The following PRRC2C variants were observed in gnomAD, a reference collection of about 807,000 sequenced individuals.
The protein encoded by PRRC2C is protein PRRC2C.
In PRRC2C, 72 loss-of-function variants were observed where a neutral mutation model predicts 317.2. The observed-to-expected ratio is 0.23, with a 90% CI of 0.19 to 0.28. PRRC2C has a LOEUF of 0.28. Among genes scored for constraint, PRRC2C ranks in the 10% least tolerant of loss-of-function variants. PRRC2C has a pLI of 1.00. For missense variants in PRRC2C, 3,074 were observed against 3,459.7 expected (o/e 0.89, Z 2.80); for synonymous variants, 1,296 against 1,205.9 (o/e 1.07, Z -1.55).
intron 17 of PRRC2C, among the ~76,000 whole-genome samples, chr1:171,549,028 A>T (rs1163215876): frequency 6.6e-6 from 1 of 152,086 alleles, no homozygotes. Context: ...TTTTTTGTAG[A>T]GACAGGGTTT....
chr1:171,544,321 G>A (rs1372026033), intron 16 of PRRC2C, among the ~76,000 whole-genome samples: 1 of 151,974 alleles, frequency 6.6e-6, no homozygotes, highest in Non-Finnish European at 1.5e-5. Flanking sequence ...ACAGGGATTC[G>A]CCATGTTTGC....
intron 1 of PRRC2C, chr1:171,511,079 T>G (rs1425377315): frequency 6.6e-6 from 1 of 152,218 alleles, no homozygotes; most frequent in Non-Finnish European, 1.5e-5. Context: ...TTTTGCTTGG[T>G]ATACCTATTC....
At chr1:171,500,563 C>T (rs7534198) in intron 1 of PRRC2C, among the ~76,000 whole-genome samples, 12,361 of 152,034 alleles carry the variant, frequency 0.081, 1,652 homozygotes, top group African/African-American at 0.28. Context: ...TGCCTGGCTA[C>T]TTTTTAGTTG....
chr1:171,560,297 G>T (rs1473833027), intron 19 of PRRC2C, among the ~76,000 whole-genome samples: 1 of 152,224 alleles, frequency 6.6e-6, no homozygotes, highest in Non-Finnish European at 1.5e-5. Flanking sequence ...AAAGAAAGTT[G>T]TTTTTTGTGA....
At chr1:171,573,894 G>C (rs1005401034) in intron 24 of PRRC2C, among the ~76,000 whole-genome samples, 2 of 151,676 alleles carry the variant, frequency 1.3e-5, no homozygotes, top group African/African-American at 4.8e-5. Flanking sequence ...GGCCAGACTG[G>C]TCTCGAACTT....
intron 4 of PRRC2C, 22 bp from the exon 5 acceptor site, chr1:171,515,711 TG>T (rs1672231318): frequency 2.6e-6 from 4 of 1,552,562 alleles, no homozygotes; most frequent in Non-Finnish European, 3.5e-6. Flanking sequence ...TTACCTTTAA[TG>T]TTTTTTTAAA....
intron 30 of PRRC2C, among the ~76,000 whole-genome samples, chr1:171,586,743 G>A (rs1435482534): frequency 6.6e-6 from 1 of 150,692 alleles, no homozygotes; most frequent in African/African-American, 2.4e-5. Flanking sequence ...ACCACATGCA[G>A]CTAATTTTCG....
intron 1 of PRRC2C, among the ~76,000 whole-genome samples, chr1:171,501,067 T>G (rs764056017): frequency 2.0e-5 from 3 of 151,728 alleles, no homozygotes; most frequent in African/African-American, 4.8e-5. Flanking sequence ...CCCAGCTAGT[T>G]TATTTATTTT....
At chr1:171,556,234 G>A (rs1422339044) in intron 18 of PRRC2C, among the ~76,000 whole-genome samples, 3 of 152,238 alleles carry the variant, frequency 2.0e-5, no homozygotes, top group African/African-American at 7.2e-5. Context: ...GCCGAGCCAG[G>A]CGTGGGATAT....
chr1:171,522,402 G>C, intron 7 of PRRC2C, 143 bp downstream of exon 7: 1 of 450,674 alleles, frequency 2.2e-6, no homozygotes, highest in South Asian at 5.7e-5. Flanking sequence ...TAAATAATTG[G>C]CTAACTCTTA....
intron 23 of PRRC2C, among the ~76,000 whole-genome samples, chr1:171,568,913 G>A (rs1218774435): frequency 6.6e-6 from 1 of 152,138 alleles, no homozygotes; most frequent in African/African-American, 2.4e-5. Context: ...GTTAAGTCAT[G>A]TTGTAACTTA....
At chr1:171,496,552 T>C (rs1668134100) in intron 1 of PRRC2C, among the ~76,000 whole-genome samples, 1 of 152,114 alleles carries the variant, frequency 6.6e-6, no homozygotes, top group African/African-American at 2.4e-5. Context: ...AATTACCATA[T>C]TCCTTCATTC....
In PRRC2C at chr1:171,517,087, C is replaced by T. The variant is rs182103576; in HGVS notation, c.527-504C>T. ...CATGCAGTGTTTCTTAGCAAAACCA[C>T]CTAGCTGTTTTATTTGGTTAAGTGT... On this transcript the variant is annotated intron_variant, in intron 5 of 34. Transcript: ENST00000647382. 3.1e-3 allele frequency among the ~76,000 whole-genome samples: 468 copies of T among 152,278 alleles called. 3 individuals carry two copies. The highest frequency in any genetic ancestry group is 0.025 in the South Asian group (119 of 4,830).
At chr1:171,504,772 C>T (rs1354695320) in intron 1 of PRRC2C, among the ~76,000 whole-genome samples, 1 of 152,076 alleles carries the variant, frequency 6.6e-6, no homozygotes, top group East Asian at 1.9e-4. Flanking sequence ...AGAGCCAGTC[C>T]ATTTCTTTAT....
chr1:171,560,336 CATT>C (rs1682420435), intron 19 of PRRC2C, among the ~76,000 whole-genome samples: 1 of 152,188 alleles, frequency 6.6e-6, no homozygotes, highest in African/African-American at 2.4e-5. Flanking sequence ...ATGCTGTGGA[CATT>C]GTTGAAATGA....
intron 32 of PRRC2C, among the ~76,000 whole-genome samples, 198 bp from the exon 33 acceptor site, chr1:171,588,181 A>G (rs909559976): frequency 2.0e-5 from 3 of 152,142 alleles, no homozygotes; most frequent in Admixed American, 1.3e-4. Flanking sequence ...GAACCAGCCA[A>G]TCTAACTGGT....
chr1:171,515,809 A>G lies in PRRC2C; in HGVS notation c.476A>G (p.Lys159Arg), dbSNP rs770359863. The change falls in exon 5 of 35, where the codon AAG (lysine) becomes AGG (arginine). Residue 159 changes from lysine to arginine, a missense_variant. Physicochemically the swap from Lys to Arg is conservative, Grantham distance 26. This residue lies in a region of PRRC2C where 237 missense variants were observed against 199.5 expected (regional missense o/e 1.19). Transcript: ENST00000647382. ...QAAGDQEKKE[K>R]ETNDDNYGPG... ...GCTGGGGATCAGGAAAAAAAAGAAA[A>G]GGAAACAAATGATGACAACTATGGA... is the stretch of plus-strand genomic sequence containing the variant. 3 of 1,612,700 alleles carry G rather than the reference A, an allele frequency of 1.9e-6. No homozygotes were observed. The highest frequency in any genetic ancestry group is 1.7e-6 in the Non-Finnish European group (2 of 1,179,146).
At chr1:171,572,784 C>T (rs1268767393) in intron 24 of PRRC2C, among the ~76,000 whole-genome samples, 6 of 152,110 alleles carry the variant, frequency 3.9e-5, no homozygotes, top group Admixed American at 6.6e-5. Context: ...TATTTTTAAG[C>T]CAGTATTTAT....
At position 171,512,072 on chromosome 1, in the gene PRRC2C, G is replaced by C. The variant is rs761249261; in HGVS notation, c.-17G>C. The C allele has an allele frequency of 6.0e-6, 9 of 1,507,958 alleles. No homozygotes were observed. The highest frequency in any genetic ancestry group is 1.8e-6 in the Non-Finnish European group (2 of 1,109,094). 93.4% of individuals were successfully genotyped at this position (1,507,958 alleles called of 1,614,324 possible). ...GGGTGTGGCAGGAGGTTTTGGACTC[G>C]ATGAGTTTCCACCGAAATGTCGGAG... On this transcript the variant is annotated 5_prime_UTR_variant, in exon 2 of 35. Coordinates refer to ENST00000647382, the MANE Select transcript of PRRC2C (RefSeq NM_001387844.1).
Sources: gnomAD v4.1 joint callset for allele counts (sites outside exome capture counted in the v4.1 genomes callset) on GRCh38, gnomAD v4.1.1 for gene constraint, gnomAD v4.1.1 regional missense constraint, MANE v1.5 for transcripts, NCBI Gene and HGNC (gene_info 2026-07-23, HGNC 2026-07-21) for gene names.